Variants in KCNMA1 observed in about 807,000 individuals in gnomAD.
The protein encoded by KCNMA1 is Calcium-activated potassium channel subunit alpha-1.
In KCNMA1, 29 loss-of-function variants were observed where a neutral mutation model predicts 140.0. The observed-to-expected ratio is 0.21, with a 90% confidence interval of 0.15 to 0.28. The LOEUF (loss-of-function observed/expected upper bound fraction) is 0.28. Among genes scored for constraint, KCNMA1 ranks in the 10% least tolerant of loss-of-function variants. KCNMA1 has a pLI of 1.00. For synonymous variants in KCNMA1, 612 were observed against 611.9 expected, an observed-to-expected ratio of 1.00 and a Z score of 0.00; for missense variants, 880 against 1,602.2, an observed-to-expected ratio of 0.55 and a Z score of 7.70.
At chr10:77,603,204 C>G (rs1939844566) in intron 1 of KCNMA1, among the ~76,000 whole-genome samples, 1 of 152,082 alleles carries the variant, frequency 6.6e-6, no homozygotes, top group South Asian at 2.1e-4. Context: ...GCTCCTTGTA[C>G]CACTAAAAAT....
intron 2 of KCNMA1, among the ~76,000 whole-genome samples, chr10:77,403,152 C>T (rs1446678636): frequency 1.3e-5 from 2 of 152,126 alleles, no homozygotes; most frequent in East Asian, 3.9e-4. Context: ...ACCAAGGGCT[C>T]ATGAGGCCAG....
intron 20 of KCNMA1, among the ~76,000 whole-genome samples, chr10:76,962,779 A>T (rs2072201515): frequency 6.6e-6 from 1 of 152,200 alleles, no homozygotes; most frequent in African/African-American, 2.4e-5. Context: ...GGATGCAATC[A>T]AACTAACTAA....
At chr10:76,991,589 C>T (rs2082788115) in intron 19 of KCNMA1, among the ~76,000 whole-genome samples, 1 of 152,194 alleles carries the variant, frequency 6.6e-6, no homozygotes, top group Admixed American at 6.5e-5. Context: ...TGGCTTCTAG[C>T]ACATCACCAA....
At chr10:77,481,277 CA>C (rs1302946951) in intron 1 of KCNMA1, among the ~76,000 whole-genome samples, 1 of 152,176 alleles carries the variant, frequency 6.6e-6, no homozygotes, top group Admixed American at 6.5e-5. Context: ...AAAATGGACC[CA>C]ACATCCTTGA....
At chr10:77,113,237 GC>G (rs1173935757) in intron 6 of KCNMA1, among the ~76,000 whole-genome samples, 1 of 152,110 alleles carries the variant, frequency 6.6e-6, no homozygotes, top group Non-Finnish European at 1.5e-5. Flanking sequence ...CTTCAGAGCA[GC>G]TTTTGGACAT....
intron 1 of KCNMA1, among the ~76,000 whole-genome samples, chr10:77,631,106 C>CAAAA (rs397944676): frequency 2.6e-4 from 16 of 61,234 alleles, no homozygotes; most frequent in South Asian, 6.8e-4. Flanking sequence ...GACCCTGTCC[C>CAAAA]AAAAAAAAAA....
intron 1 of KCNMA1, among the ~76,000 whole-genome samples, chr10:77,418,872 C>T (rs1461093019): frequency 1.3e-5 from 2 of 152,204 alleles, no homozygotes; most frequent in East Asian, 3.8e-4. Context: ...AGAGGGCCAC[C>T]TCATTCAGAC....
Position 77,613,005 on chromosome 10 carries a change from T to A in KCNMA1, c.378+24260A>T, listed in dbSNP as rs368309804. 3.3e-5 allele frequency among the ~76,000 whole-genome samples: 5 copies of A among 152,046 alleles called. No homozygotes were observed. The East Asian group carries it at 7.7e-4, about 23-fold the overall frequency. On this transcript the variant is annotated intron_variant, in intron 1 of 27. Coordinates refer to ENST00000286628, the MANE Select transcript of KCNMA1 (RefSeq NM_001161352.2). ...ATAAATTACAAATGGTATGGAACTA[T>A]CTCACACACAATAAGTCTGTAAGTT...
At chr10:77,013,109 A>T (rs2091225976) in intron 17 of KCNMA1, among the ~76,000 whole-genome samples, 1 of 152,232 alleles carries the variant, frequency 6.6e-6, no homozygotes. Flanking sequence ...AGGGCTGCAG[A>T]AATAAACACA....
intron 19 of KCNMA1, among the ~76,000 whole-genome samples, chr10:76,996,613 A>T (rs1326978139): frequency 6.6e-6 from 1 of 152,184 alleles, no homozygotes; most frequent in Non-Finnish European, 1.5e-5. Flanking sequence ...TGACACAGAG[A>T]GAGAGAGAGA....
At chr10:77,492,129 G>A (rs951229351) in intron 1 of KCNMA1, among the ~76,000 whole-genome samples, 3 of 152,218 alleles carry the variant, frequency 2.0e-5, no homozygotes, top group African/African-American at 7.2e-5. Context: ...ACAACCTTCA[G>A]TGCTTGCCGA....
At chr10:77,198,528 C>G (rs553178329) in intron 3 of KCNMA1, among the ~76,000 whole-genome samples, 1 of 147,472 alleles carries the variant, frequency 6.8e-6, no homozygotes, top group Non-Finnish European at 1.5e-5. Flanking sequence ...AAAGGTATTT[C>G]TTATCAAAAT....
chr10:77,408,447 CAT>C (rs1250574983), intron 1 of KCNMA1, among the ~76,000 whole-genome samples: 2 of 151,404 alleles, frequency 1.3e-5, no homozygotes, highest in African/African-American at 2.4e-5. Flanking sequence ...AGAGTGTGTG[CAT>C]GTGTGTGTGC....
intron 1 of KCNMA1, among the ~76,000 whole-genome samples, chr10:77,424,694 G>A (rs545529951): frequency 6.6e-6 from 1 of 152,328 alleles, no homozygotes; most frequent in East Asian, 1.9e-4. Context: ...GGGAGGAAGA[G>A]AGTATGGCAG....
intron 14 of KCNMA1, among the ~76,000 whole-genome samples, chr10:77,057,559 T>C (rs1005821270): frequency 6.6e-6 from 1 of 152,088 alleles, no homozygotes; most frequent in Non-Finnish European, 1.5e-5. Flanking sequence ...TTGTCTGATA[T>C]AGTTTGCAAC....
At chr10:77,258,521 T>C (rs570845418) in intron 2 of KCNMA1, among the ~76,000 whole-genome samples, 1 of 152,284 alleles carries the variant, frequency 6.6e-6, no homozygotes, top group African/African-American at 2.4e-5. Context: ...GAAAAGCCCA[T>C]GTTTTTGCAG....
At chr10:76,969,909 A>AG in intron 20 of KCNMA1, 65 bp downstream of exon 20, 1 of 1,274,444 alleles carries the variant, frequency 7.8e-7, no homozygotes, top group Non-Finnish European at 1.1e-6. Context: ...CAGGGTGAGG[A>AG]GAGGGCGAGG....
intron 1 of KCNMA1, among the ~76,000 whole-genome samples, chr10:77,533,048 T>G (rs1217960494): frequency 6.6e-6 from 1 of 152,246 alleles, no homozygotes; most frequent in Non-Finnish European, 1.5e-5. Context: ...GAAGCTCTAC[T>G]ATTATGCTGG....
chr10:77,027,481 C>T (rs1007817182), intron 16 of KCNMA1, among the ~76,000 whole-genome samples: 3 of 152,130 alleles, frequency 2.0e-5, no homozygotes, highest in African/African-American at 7.2e-5. Flanking sequence ...TGCTTTTTTG[C>T]TCACAGCAGT....
Sources: gnomAD v4.1 joint callset for allele counts (sites outside exome capture counted in the v4.1 genomes callset) on GRCh38, gnomAD v4.1.1 for gene constraint, MANE v1.5 for transcripts, NCBI Gene and HGNC (gene_info 2026-07-23, HGNC 2026-07-21) for gene names.